The following STPG2 variants were observed in gnomAD, a reference collection of about 807,000 sequenced individuals.
STPG2 encodes the protein sperm-tail PG-rich repeat-containing protein 2.
A neutral mutation model predicts 54.2 loss-of-function variants in STPG2; 56 were observed. That is an observed-to-expected ratio of 1.03 (90% confidence interval 0.83 to 1.29). STPG2 has a LOEUF of 1.29. STPG2 is among the 50% of genes most tolerant of loss of function. The pLI, the probability that STPG2 is intolerant of heterozygous loss-of-function variation, is 0.00. For missense variants in STPG2, 596 were observed against 544.9 expected, an observed-to-expected ratio of 1.09 and a Z score of -0.93; for synonymous variants, 200 against 181.8, an observed-to-expected ratio of 1.10 and a Z score of -0.81.
At chr4:98,118,018 T>C (rs1174918633) in intron 3 of STPG2, among the ~76,000 whole-genome samples, 1 of 152,150 alleles carries the variant, frequency 6.6e-6, no homozygotes, top group Non-Finnish European at 1.5e-5. Context: ...CCAGATATTT[T>C]GTATGATATA....
chr4:97,810,214 C>T (rs1279449679), intron 9 of STPG2, among the ~76,000 whole-genome samples: 1 of 152,092 alleles, frequency 6.6e-6, no homozygotes, highest in East Asian at 1.9e-4. Context: ...GCCTATAATC[C>T]CAACACTCTG....
intron 8 of STPG2, among the ~76,000 whole-genome samples, chr4:97,847,910 C>T (rs1053641476): frequency 2.0e-5 from 3 of 152,158 alleles, no homozygotes; most frequent in African/African-American, 7.2e-5. Context: ...CTTTTCTGTC[C>T]TTTACTACCA....
intron 4 of STPG2, among the ~76,000 whole-genome samples, chr4:97,553,491 C>T (rs1404062706): frequency 6.6e-6 from 1 of 152,110 alleles, no homozygotes; most frequent in Non-Finnish European, 1.5e-5. Context: ...CTGTCAGTGT[C>T]TCCTAGGACT....
downstream of STPG2, among the ~76,000 whole-genome samples, chr4:97,555,507 C>A (rs1036422687): frequency 6.6e-6 from 1 of 151,954 alleles, no homozygotes; most frequent in Non-Finnish European, 1.5e-5. Context: ...AGTTTTCTTC[C>A]CTGTAAAATA....
chr4:97,832,289 T>C (rs946888676), intron 9 of STPG2, among the ~76,000 whole-genome samples: 6 of 152,072 alleles, frequency 3.9e-5, no homozygotes, highest in African/African-American at 1.2e-4. Flanking sequence ...ATTAGCTCAA[T>C]AGATGCAGAA....
chr4:97,914,566 T>C (rs903255156), intron 8 of STPG2, among the ~76,000 whole-genome samples: 1 of 152,100 alleles, frequency 6.6e-6, no homozygotes, highest in Non-Finnish European at 1.5e-5. Flanking sequence ...AACAGAAACA[T>C]TGTACCATTA....
intron 9 of STPG2, among the ~76,000 whole-genome samples, chr4:97,720,001 A>G (rs1724400371): frequency 6.6e-6 from 1 of 151,944 alleles, no homozygotes; most frequent in South Asian, 2.1e-4. Context: ...TCTTTTCAGT[A>G]TACATCCTTC....
At chr4:97,909,134 A>G (rs1006608266) in intron 8 of STPG2, among the ~76,000 whole-genome samples, 17 of 151,380 alleles carry the variant, frequency 1.1e-4, no homozygotes, top group African/African-American at 3.9e-4. Flanking sequence ...AAACAAACAG[A>G]AAGAGTGAAA....
intron 3 of STPG2, among the ~76,000 whole-genome samples, chr4:98,112,193 C>G (rs1250748270): frequency 1.3e-5 from 2 of 152,052 alleles, no homozygotes. Flanking sequence ...GACAATGGAC[C>G]AGATATACAA....
intron 8 of STPG2, among the ~76,000 whole-genome samples, chr4:97,864,928 T>C (rs529963636): frequency 7.9e-5 from 12 of 152,276 alleles, no homozygotes; most frequent in African/African-American, 1.2e-4. Context: ...TTACACCTTA[T>C]ACAAAAATTC....
At chr4:97,534,437 G>T (rs905782798) in intron 4 of STPG2, among the ~76,000 whole-genome samples, 11 of 151,978 alleles carry the variant, frequency 7.2e-5, no homozygotes, top group Admixed American at 2.0e-4. Context: ...TCCACTTCAA[G>T]TTAAATTAAG....
intron 9 of STPG2, among the ~76,000 whole-genome samples, chr4:97,837,278 T>C (rs1728662665): frequency 6.6e-6 from 1 of 151,726 alleles, no homozygotes; most frequent in African/African-American, 2.4e-5. Flanking sequence ...TTGAAACATT[T>C]TGCCAACCTG....
intron 8 of STPG2, among the ~76,000 whole-genome samples, chr4:97,850,667 T>C (rs977016398): frequency 6.6e-6 from 1 of 152,122 alleles, no homozygotes; most frequent in African/African-American, 2.4e-5. Context: ...AAACCAAAAA[T>C]TGTTTAACAA....
intron 4 of STPG2, among the ~76,000 whole-genome samples, chr4:97,459,358 G>T (rs577404244): frequency 6.6e-6 from 1 of 151,632 alleles, no homozygotes; most frequent in South Asian, 2.1e-4. Flanking sequence ...CTAATATTCT[G>T]GTTACAATTC....
chr4:98,118,292 T>A (rs1205615189), intron 3 of STPG2, among the ~76,000 whole-genome samples: 2 of 152,120 alleles, frequency 1.3e-5, no homozygotes, highest in Non-Finnish European at 2.9e-5. Context: ...AGCCATCACT[T>A]CCTGCTTGTG....
chr4:97,872,315 G>T (rs1005095007), intron 8 of STPG2, among the ~76,000 whole-genome samples: 3 of 150,998 alleles, frequency 2.0e-5, no homozygotes, highest in Non-Finnish European at 4.5e-5. Flanking sequence ...CATCACTAAA[G>T]GCTTAAACAT....
intron 4 of STPG2, among the ~76,000 whole-genome samples, chr4:98,107,185 T>C (rs1739213347): frequency 6.6e-6 from 1 of 152,136 alleles, no homozygotes; most frequent in Non-Finnish European, 1.5e-5. Context: ...GTCTGTATCT[T>C]TACCAAAAAG....
intron 10 of STPG2, among the ~76,000 whole-genome samples, chr4:97,672,949 T>C (rs1291979150): frequency 6.6e-6 from 1 of 152,220 alleles, no homozygotes; most frequent in African/African-American, 2.4e-5. Context: ...CCCAGTTCCC[T>C]TTACGTTAGC....
intron 8 of STPG2, among the ~76,000 whole-genome samples, chr4:97,920,249 A>T (rs916339928): frequency 6.6e-6 from 1 of 152,202 alleles, no homozygotes; most frequent in Non-Finnish European, 1.5e-5. Flanking sequence ...ATAGAAGTTC[A>T]AATAGCTCTT....
Sources: gnomAD v4.1 joint callset for allele counts (sites outside exome capture counted in the v4.1 genomes callset) on GRCh38, gnomAD v4.1.1 for gene constraint, MANE v1.5 for transcripts, NCBI Gene and HGNC (gene_info 2026-07-23, HGNC 2026-07-21) for gene names.